Variants in TRAM2 observed in about 807,000 individuals in gnomAD.
TRAM2 encodes the protein translocation associated membrane protein 2.
Under a neutral mutation model 51.0 loss-of-function variants are expected in TRAM2, and 12 were observed. The observed-to-expected ratio is 0.24, with a 90% CI of 0.15 to 0.38. The LOEUF is 0.38. TRAM2 is among the 10% of genes least tolerant of loss of function. The probability of loss-of-function intolerance (pLI) is 1.00; values close to 1 mark genes in which losing one functional copy is unlikely to be tolerated. For missense variants in TRAM2, 361 were observed against 462.0 expected, an observed-to-expected ratio of 0.78 and a Z score of 2.00; for synonymous variants, 175 against 179.4, an observed-to-expected ratio of 0.98 and a Z score of 0.20.
chr6:52,538,822 G>A (rs981016790), intron 1 of TRAM2, among the ~76,000 whole-genome samples: 2 of 152,118 alleles, frequency 1.3e-5, no homozygotes, highest in Admixed American at 1.3e-4. Flanking sequence ...ACAGTTAACT[G>A]TCATCATTCA....
chr6:52,567,933 G>A (rs1306653118), intron 1 of TRAM2, among the ~76,000 whole-genome samples: 2 of 152,164 alleles, frequency 1.3e-5, no homozygotes, highest in Non-Finnish European at 2.9e-5. Flanking sequence ...CTATAGGATT[G>A]GGGAAAGGTG....
chr6:52,544,987 T>C (rs949811144), intron 1 of TRAM2, among the ~76,000 whole-genome samples: 1 of 152,208 alleles, frequency 6.6e-6, no homozygotes, highest in Non-Finnish European at 1.5e-5. Flanking sequence ...TCCCAAGGTT[T>C]CTCTCTCACA....
At chr6:52,561,040 A>AAT (rs1182704606) in intron 1 of TRAM2, among the ~76,000 whole-genome samples, 2 of 152,222 alleles carry the variant, frequency 1.3e-5, no homozygotes, top group Non-Finnish European at 2.9e-5. Flanking sequence ...AGTACAATAA[A>AAT]ATGATTCAGT....
chr6:52,498,572 G>C lies in TRAM2; in HGVS notation c.*4625C>G, dbSNP rs1055507805. 1 of 152,268 alleles carries C rather than the reference G, an allele frequency of 6.6e-6. No homozygotes were observed. Among genetic ancestry groups the C allele is most frequent in the Non-Finnish European group, 1.5e-5 (1 of 68,046 alleles). 9.4% of individuals were successfully genotyped at this position (152,268 alleles called of 1,614,324 possible). On this transcript the variant is annotated 3_prime_UTR_variant, in exon 11 of 11. Transcript: ENST00000182527. Reference sequence around the variant, plus strand: ...GGGGCCAGAGGAGAGTTTTCGAAGTGGGGGCTGGAAGCTCTGGGCTTCTCT... The same window carrying C: ...GGGGCCAGAGGAGAGTTTTCGAAGTCGGGGCTGGAAGCTCTGGGCTTCTCT...
chr6:52,516,540 G>T, intron 3 of TRAM2, 88 bp downstream of exon 3: 2 of 1,059,486 alleles, frequency 1.9e-6, no homozygotes, highest in Non-Finnish European at 2.9e-6. Context: ...ATGAATGGGT[G>T]CAGAGCTGCA....
intron 1 of TRAM2, among the ~76,000 whole-genome samples, chr6:52,554,766 CTTTT>C (rs549322729): frequency 7.5e-6 from 1 of 133,392 alleles, no homozygotes. Flanking sequence ...AGAGTCAATC[CTTTT>C]TTTTTTTTTT....
chr6:52,564,592 C>G (rs896252998), intron 1 of TRAM2, among the ~76,000 whole-genome samples: 1 of 152,070 alleles, frequency 6.6e-6, no homozygotes, highest in African/African-American at 2.4e-5. Context: ...CCCTACCCTT[C>G]CCAGAGGGTT....
In TRAM2 at chr6:52,507,431, C is replaced by G. The variant is rs370726997; in HGVS notation, c.626+122G>C. 20 of 959,166 alleles carry G rather than the reference C, an allele frequency of 2.1e-5. No individual in the cohort carries two copies. The African/African-American group carries it at 2.1e-4, about 10-fold the overall frequency. 59.4% of individuals were successfully genotyped at this position (959,166 alleles called of 1,614,324 possible). A position where few individuals can be genotyped will look rare whatever the true frequency, so the allele number is the denominator to read the frequency against. On this transcript the variant is annotated intron_variant, in intron 7 of 10. Transcript: ENST00000182527. ...CATTACCATCTTTGTATTGCCAAGT[C>G]TTAGCATAGTGCTAGGCACACAGAG...
Position 52,505,596 on chromosome 6 carries a change from C to T in TRAM2, c.875+3G>A. ...TATCACCTTGGACTTCTGCTCGACTCACCTGCAAAACAAAGTGTTGAAGTT... is the reference window on the plus strand; with the variant it reads ...TATCACCTTGGACTTCTGCTCGACTTACCTGCAAAACAAAGTGTTGAAGTT... On this transcript the variant is annotated splice_donor_region_variant and intron_variant, in intron 9 of 10. Coordinates refer to ENST00000182527, the MANE Select transcript of TRAM2 (RefSeq NM_012288.4). The T allele has an allele frequency of 6.2e-7, 1 of 1,607,266 alleles. No homozygotes were observed. Among genetic ancestry groups the T allele is most frequent in the South Asian group, 1.1e-5 (1 of 90,118 alleles).
rs368446411 is a variant in TRAM2, at chr6:52,561,427, T to C, written c.120+15369A>G. ...CCTCCCAAGTAGCTGGTACTACAGG[T>C]ATATGCCGCCATGCCTGGCTAATTT... On this transcript the variant is annotated intron_variant, in intron 1 of 10. Coordinates refer to ENST00000182527, the MANE Select transcript of TRAM2 (RefSeq NM_012288.4). Among the ~76,000 whole-genome samples the C allele has an allele frequency of 4.5e-4, 68 of 150,828 alleles. No individual in the cohort carries two copies. The East Asian group carries it at 7.3e-3, about 16-fold the overall frequency.
chr6:52,547,838 A>G (rs1767234111), intron 1 of TRAM2, among the ~76,000 whole-genome samples: 1 of 152,250 alleles, frequency 6.6e-6, no homozygotes, highest in Non-Finnish European at 1.5e-5. Context: ...GAACCCACAG[A>G]TATGCAGATA....
At chr6:52,529,545 TC>T (rs2114081804) in intron 2 of TRAM2, 1 of 152,276 alleles carries the variant, frequency 6.6e-6, no homozygotes, top group South Asian at 2.1e-4. Context: ...TCTCACAGGT[TC>T]CCAGGTGGTG....
chr6:52,525,187 C>T (rs1766755441), intron 2 of TRAM2: 1 of 152,312 alleles, frequency 6.6e-6, no homozygotes. Flanking sequence ...ACGCCAGGGC[C>T]AAATCCATTA....
At position 52,508,316 on chromosome 6, in the gene TRAM2, A is replaced by C. The variant is rs1766387198; in HGVS notation, c.473T>G (p.Phe158Cys). 1 of 1,613,636 alleles carries C rather than the reference A, an allele frequency of 6.2e-7. No individual in the cohort carries two copies. Among genetic ancestry groups the C allele is most frequent in the Non-Finnish European group, 8.5e-7 (1 of 1,179,988 alleles). Reference sequence around the variant, plus strand: ...GCATAGGTAGAAAAACTTCACCTGGAAGCTGGAGACAAGGGGGCAAGTCAC... The same window carrying C: ...GCATAGGTAGAAAAACTTCACCTGGCAGCTGGAGACAAGGGGGCAAGTCAC... ...WEDYPHVHLP[F>C]QVKFFYLCQL... The change falls in exon 6 of 11, where the codon TTC becomes TGC. Residue 158 changes from phenylalanine (F) to cysteine (C), a missense_variant and splice_region_variant. Transcript: ENST00000182527.
rs1766155558 is a variant in TRAM2 at position 52,499,268 on chromosome 6, A to G, written c.*3929T>C. 2 of 152,194 alleles carry G rather than the reference A, an allele frequency of 1.3e-5. No individual in the cohort carries two copies. The highest frequency in any genetic ancestry group is 4.8e-5 in the African/African-American group (2 of 41,438). 9.4% of individuals were successfully genotyped at this position (152,194 alleles called of 1,614,324 possible). On this transcript the variant is annotated 3_prime_UTR_variant, in exon 11 of 11. Transcript: ENST00000182527. ...GCTCGGAAGGCAGAGTGAGGGAGGA[A>G]GAGCACTCCATTGTCTTGACTCAAA... is the stretch of plus-strand genomic sequence containing the variant.
intron 7 of TRAM2, 118 bp from the exon 8 acceptor site, chr6:52,506,254 C>A: frequency 1.2e-6 from 1 of 854,224 alleles, no homozygotes; most frequent in Non-Finnish European, 1.9e-6. Context: ...TCCACTCCCA[C>A]TTTCCCTGGC....
chr6:52,510,009 G>A (rs929577447), intron 4 of TRAM2, among the ~76,000 whole-genome samples: 20 of 152,148 alleles, frequency 1.3e-4, no homozygotes, highest in African/African-American at 4.3e-4. Context: ...GCATGCAGGC[G>A]CTCAGGAAAT....
chr6:52,556,882 C>T (rs1467877364), intron 1 of TRAM2, among the ~76,000 whole-genome samples: 1 of 147,060 alleles, frequency 6.8e-6, no homozygotes, highest in Non-Finnish European at 1.5e-5. Context: ...GAGCCAATAT[C>T]GTGCCACTGC....
At position 52,516,620 on chromosome 6, in the gene TRAM2, T is replaced by A. The variant is rs759073377; in HGVS notation, c.294+8A>T. The A allele has an allele frequency of 1.2e-6, 2 of 1,609,736 alleles. No homozygotes were observed. The highest frequency in any genetic ancestry group is 8.5e-7 in the Non-Finnish European group (1 of 1,176,114). On this transcript the variant is annotated splice_region_variant and intron_variant, in intron 3 of 10. Coordinates refer to ENST00000182527, the MANE Select transcript of TRAM2 (RefSeq NM_012288.4). ...CTTCTGATCTCAGAATCCAGACATG[T>A]CACTTACATCTAAAATGTACTCCTG...
Sources: gnomAD v4.1 joint callset for allele counts (sites outside exome capture counted in the v4.1 genomes callset) on GRCh38, gnomAD v4.1.1 for gene constraint, MANE v1.5 for transcripts, NCBI Gene and HGNC (gene_info 2026-07-23, HGNC 2026-07-21) for gene names.